TMPRSS11A: variants seen among roughly 807,000 people sequenced by gnomAD.
TMPRSS11A encodes the protein transmembrane protease serine 11A.
Under a neutral mutation model 58.9 loss-of-function variants are expected in TMPRSS11A, and 53 were observed. That is an observed-to-expected ratio of 0.90 (90% CI 0.72 to 1.13). The LOEUF is 1.13. TMPRSS11A is among the 50% of genes most tolerant of loss of function. TMPRSS11A has a pLI of 0.00. For synonymous variants in TMPRSS11A, 167 were observed against 169.8 expected (o/e 0.98, Z 0.13); for missense variants, 493 against 499.3 (o/e 0.99, Z 0.12).
intron 1 of TMPRSS11A, among the ~76,000 whole-genome samples, chr4:67,958,775 C>G (rs1022681427): frequency 1.3e-4 from 20 of 152,034 alleles, no homozygotes; most frequent in Admixed American, 1.3e-4. Flanking sequence ...GGCTGTGTCC[C>G]CACCCAAATC....
intron 9 of TMPRSS11A, among the ~76,000 whole-genome samples, chr4:67,913,959 G>A (rs1178994634): frequency 5.9e-5 from 9 of 152,210 alleles, no homozygotes. Context: ...AGGCAGATGA[G>A]GGCACTGGGG....
At chr4:67,928,889 A>C (rs904721063) in intron 5 of TMPRSS11A, among the ~76,000 whole-genome samples, 1 of 152,226 alleles carries the variant, frequency 6.6e-6, no homozygotes, top group Non-Finnish European at 1.5e-5. Flanking sequence ...TGAAATTTGT[A>C]GGAGAAATCT....
At chr4:67,928,281 G>T (rs990488515) in intron 5 of TMPRSS11A, among the ~76,000 whole-genome samples, 17 of 152,100 alleles carry the variant, frequency 1.1e-4, no homozygotes, top group African/African-American at 3.6e-4. Flanking sequence ...CCTGACCTCA[G>T]GTGATCCACC....
intron 8 of TMPRSS11A, 118 bp from the exon 9 acceptor site, chr4:67,914,848 A>G: frequency 1.3e-6 from 1 of 770,500 alleles, no homozygotes; most frequent in Non-Finnish European, 2.0e-6. Flanking sequence ...AATGAAGTTA[A>G]TATAAGCAGT....
intron 3 of TMPRSS11A, among the ~76,000 whole-genome samples, chr4:67,936,543 G>T (rs1343206085): frequency 6.6e-6 from 1 of 152,072 alleles, no homozygotes; most frequent in Non-Finnish European, 1.5e-5. Context: ...TGTGGAGGGT[G>T]CCATGAAACT....
intron 4 of TMPRSS11A, among the ~76,000 whole-genome samples, chr4:67,930,765 AC>A (rs1275403988): frequency 2.0e-5 from 3 of 149,036 alleles, no homozygotes; most frequent in Non-Finnish European, 4.5e-5. Context: ...AAAAAAAAAA[AC>A]AAAAAACCTT....
At chr4:67,949,441 G>A (rs367864394) in intron 1 of TMPRSS11A, among the ~76,000 whole-genome samples, 37 of 152,286 alleles carry the variant, frequency 2.4e-4, no homozygotes, top group South Asian at 2.1e-3. Flanking sequence ...TAGCAGATGC[G>A]CACTGCCAGA....
At position 67,910,711 on chromosome 4, in the gene TMPRSS11A, G is replaced by C. The variant is rs907998469; in HGVS notation, c.*631C>G. ...AGAATATCTATGTGACTGTATGTGT[G>C]TGTGTGTGTAGAAAAGTCACCAAAA... On this transcript the variant is annotated 3_prime_UTR_variant, in exon 10 of 10. Transcript: ENST00000508048. The C allele has an allele frequency of 6.9e-5, 10 of 144,322 alleles. No homozygotes were observed. The highest frequency in any genetic ancestry group is 2.4e-4 in the African/African-American group (9 of 37,746). The allele number at this position is 144,322 out of a possible 1,614,324, so 8.9% of individuals were successfully genotyped here. A position where few individuals can be genotyped will look rare whatever the true frequency, so the allele number is the denominator to read the frequency against.
At chr4:67,959,929 A>G (rs1264881576) in intron 1 of TMPRSS11A, among the ~76,000 whole-genome samples, 2 of 152,214 alleles carry the variant, frequency 1.3e-5, no homozygotes, top group African/African-American at 4.8e-5. Context: ...GTGCCCATCA[A>G]TAGTGGATTT....
chr4:67,948,778 A>C (rs997187022), intron 1 of TMPRSS11A, among the ~76,000 whole-genome samples: 18 of 152,214 alleles, frequency 1.2e-4, no homozygotes, highest in Admixed American at 6.5e-5. Flanking sequence ...ATACATTTAT[A>C]AGTGAAGGAG....
At position 67,920,550 on chromosome 4, in the gene TMPRSS11A, T is replaced by TATATATATATATATATATATA. The variant is rs374550125; in HGVS notation, c.693-1319_693-1318insTATATATATATATATATATAT. ...AATTATATATATATATATATATATA[T>TATATATATATATATATATATA]TTTTTTTTATATATACACACACACA... On this transcript the variant is annotated intron_variant, in intron 7 of 9. Coordinates refer to ENST00000508048, the MANE Select transcript of TMPRSS11A (RefSeq NM_001114387.2). Among the ~76,000 whole-genome samples the TATATATATATATATATATATA allele has an allele frequency of 7.3e-4, 43 of 58,530 alleles. No individual in the cohort carries two copies. The East Asian group carries it at 0.012, about 17-fold the overall frequency. The allele number at this position is 58,530 out of a possible 152,430, so 38.4% of individuals were successfully genotyped here. A position where few individuals can be genotyped will look rare whatever the true frequency, so the allele number is the denominator to read the frequency against.
intron 3 of TMPRSS11A, among the ~76,000 whole-genome samples, chr4:67,942,317 G>T (rs189451824): frequency 2.0e-5 from 3 of 152,142 alleles, no homozygotes; most frequent in African/African-American, 7.2e-5. Context: ...GCCTTTGGAG[G>T]ATAGTTAGGT....
intron 5 of TMPRSS11A, among the ~76,000 whole-genome samples, chr4:67,925,473 A>C (rs2109743777): frequency 6.6e-6 from 1 of 152,306 alleles, no homozygotes; most frequent in African/African-American, 2.4e-5. Flanking sequence ...ACAAAATAAG[A>C]TTGTTTCATT....
chr4:67,930,829 T>TTTTTTATA (rs1265700805), intron 4 of TMPRSS11A, among the ~76,000 whole-genome samples: 1 of 90,158 alleles, frequency 1.1e-5, no homozygotes, highest in Non-Finnish European at 2.1e-5. Context: ...TTTTTTTTTT[T>TTTTTTATA]ACAAAAAAAA....
intron 4 of TMPRSS11A, among the ~76,000 whole-genome samples, chr4:67,931,676 G>GT (rs1204195024): frequency 2.0e-5 from 3 of 152,138 alleles, no homozygotes; most frequent in Admixed American, 1.3e-4. Context: ...AAGCTGCTGG[G>GT]TTTTCCCCAC....
At chr4:67,946,887 C>A (rs1721029507) in intron 1 of TMPRSS11A, among the ~76,000 whole-genome samples, 1 of 152,134 alleles carries the variant, frequency 6.6e-6, no homozygotes, top group Non-Finnish European at 1.5e-5. Flanking sequence ...CTTTCTCCAG[C>A]ACTTTGTTAT....
At position 67,942,889 on chromosome 4, in the gene TMPRSS11A, G is replaced by T. The variant is rs144504757; in HGVS notation, c.252+1630C>A. 2.9e-3 allele frequency among the ~76,000 whole-genome samples: 447 copies of T among 152,142 alleles called. 6 individuals carry two copies. The highest frequency in any genetic ancestry group is 9.9e-3 in the African/African-American group (412 of 41,516). On this transcript the variant is annotated intron_variant, in intron 3 of 9. Transcript: ENST00000508048. ...TTTAGTAACATATATCTTTTAAAAA[G>T]TTCTCAGTAAAAAGAGATGAAACAA...
At chr4:67,935,559 GTC>G (rs1720732032) in intron 3 of TMPRSS11A, among the ~76,000 whole-genome samples, 2 of 152,036 alleles carry the variant, frequency 1.3e-5, no homozygotes, top group East Asian at 3.9e-4. Flanking sequence ...CAAATATATA[GTC>G]TCTTTTATTA....
rs1721425920 is a variant in TMPRSS11A at position 67,961,503 on chromosome 4, T to TCC, written c.11+1879_11+1880insGG. ...TTTTCCTTTTTTTTTTTTTTTTTTT[T>TCC]TTTTTTTTTTTTTTTTTTTTTTTTT... On this transcript the variant is annotated intron_variant, in intron 1 of 9. Coordinates refer to ENST00000508048, the MANE Select transcript of TMPRSS11A (RefSeq NM_001114387.2). 7.4e-5 allele frequency among the ~76,000 whole-genome samples: 2 copies of TCC among 26,980 alleles called. 1 individual carries two copies. The highest frequency in any genetic ancestry group is 1.5e-4 in the Non-Finnish European group (2 of 13,320). The allele number at this position is 26,980 out of a possible 152,430, so 17.7% of individuals were successfully genotyped here.
Sources: allele counts gnomAD v4.1 joint callset (sites outside exome capture counted in the v4.1 genomes callset), GRCh38; gene constraint gnomAD v4.1.1; transcripts MANE v1.5; gene names NCBI Gene and HGNC (gene_info 2026-07-23, HGNC 2026-07-21).